The following ABLIM1 variants were observed in gnomAD, a reference collection of about 807,000 sequenced individuals.
The protein encoded by ABLIM1 is actin-binding LIM protein 1.
ABLIM1 carries 40 observed loss-of-function variants against 107.0 expected under a neutral mutation model. The observed-to-expected ratio is 0.37, with a 90% CI of 0.29 to 0.49. ABLIM1 has a LOEUF of 0.49. ABLIM1 is among the 20% of genes least tolerant of loss of function. The pLI is 0.97. For synonymous variants in ABLIM1, 357 were observed against 357.3 expected (o/e 1.00, Z 0.01); for missense variants, 857 against 1,008.5 (o/e 0.85, Z 2.04).
At chr10:114,752,379 G>A (rs139178571) in intron 1 of ABLIM1, among the ~76,000 whole-genome samples, 89 of 152,312 alleles carry the variant, frequency 5.8e-4, no homozygotes, top group African/African-American at 2.0e-3. Flanking sequence ...TTATTTTTAA[G>A]TAGGGACCTT....
At chr10:114,634,972 A>G (rs958536429) in intron 1 of ABLIM1, among the ~76,000 whole-genome samples, 1 of 152,268 alleles carries the variant, frequency 6.6e-6, no homozygotes, top group African/African-American at 2.4e-5. Flanking sequence ...GACATTTTCT[A>G]CTTTACAGCT....
chr10:114,579,662 AT>A (rs1181818552), intron 2 of ABLIM1, among the ~76,000 whole-genome samples: 1 of 152,206 alleles, frequency 6.6e-6, no homozygotes, highest in Non-Finnish European at 1.5e-5. Flanking sequence ...ATACATTCAC[AT>A]TGTTGTGCAA....
At chr10:114,444,196 G>T in intron 16 of ABLIM1, 62 bp from the exon 17 acceptor site, 2 of 1,385,096 alleles carry the variant, frequency 1.4e-6, no homozygotes, top group Non-Finnish European at 2.0e-6. Flanking sequence ...TTACTTTCAT[G>T]GAGCTGCAGT....
chr10:114,595,089 G>T (rs1284234052), intron 2 of ABLIM1: 1 of 151,440 alleles, frequency 6.6e-6, no homozygotes, highest in Admixed American at 6.6e-5. Flanking sequence ...GATTCTCTGG[G>T]CAGTCTCCTT....
chr10:114,780,967 A>AG, the ABLIM1 span, among the ~76,000 whole-genome samples: 1 of 152,128 alleles, frequency 6.6e-6, no homozygotes, highest in South Asian at 2.1e-4. Context: ...AATTGCCTGG[A>AG]GGGGGCTCCT....
chr10:114,684,460 G>C, exon 1 of ABLIM1: 2 of 1,530,662 alleles, frequency 1.3e-6, no homozygotes, highest in South Asian at 2.5e-5. Context: ...CCTCCCAGGA[G>C]TCTGTGGGCT....
chr10:114,432,200 G>T lies in ABLIM1; in HGVS notation c.*4060C>A, dbSNP rs7917021. The T allele has an allele frequency of 0.92, 140,607 of 152,280 alleles. 64,989 individuals carry two copies. The highest frequency in any genetic ancestry group is 1 in the East Asian group (5,184 of 5,184). The allele number at this position is 152,280 out of a possible 1,614,324, so 9.4% of individuals were successfully genotyped here. On this transcript the variant is annotated 3_prime_UTR_variant, in exon 23 of 23. Coordinates refer to ENST00000533213, the MANE Select transcript of ABLIM1 (RefSeq NM_002313.7). ...CTTCATTGGTTAGAAGAGAATAATT[G>T]TAAAAATCAAATAAAATTGAGGCTG...
chr10:114,448,364 T>G (rs1207947120), intron 14 of ABLIM1, among the ~76,000 whole-genome samples: 1 of 152,194 alleles, frequency 6.6e-6, no homozygotes, highest in African/African-American at 2.4e-5. Context: ...ATATTTCAAC[T>G]GCTCAGTAGT....
intron 19 of ABLIM1, 148 bp from the exon 20 acceptor site, chr10:114,440,237 C>T: frequency 1.2e-6 from 1 of 802,800 alleles, no homozygotes; most frequent in South Asian, 1.6e-5. Flanking sequence ...CACATGTTAT[C>T]CCATCAGCCT....
At chr10:114,574,215 A>G (rs11196791) in intron 3 of ABLIM1, among the ~76,000 whole-genome samples, 26,920 of 152,054 alleles carry the variant, frequency 0.18, 3,349 homozygotes, top group East Asian at 0.56. Context: ...GGCATAGCAA[A>G]TAGATCTCCA....
chr10:114,664,470 G>T (rs2079928905), intron 1 of ABLIM1, among the ~76,000 whole-genome samples: 1 of 152,096 alleles, frequency 6.6e-6, no homozygotes, highest in East Asian at 1.9e-4. Context: ...AGAGTTTGGG[G>T]ATATGGTTAA....
intron 6 of ABLIM1, among the ~76,000 whole-genome samples, chr10:114,498,566 T>C (rs1353193882): frequency 1.3e-5 from 2 of 152,198 alleles, no homozygotes; most frequent in African/African-American, 4.8e-5. Context: ...CCGCCTCCAT[T>C]TCTCTAGGAG....
At chr10:114,566,904 C>T (rs1158096866) in intron 4 of ABLIM1, among the ~76,000 whole-genome samples, 1 of 152,146 alleles carries the variant, frequency 6.6e-6, no homozygotes, top group Non-Finnish European at 1.5e-5. Context: ...CAAAAATTAG[C>T]CAGGTGTGGT....
intron 1 of ABLIM1, among the ~76,000 whole-genome samples, chr10:114,657,718 G>A (rs185163420): frequency 6.0e-4 from 92 of 152,260 alleles, no homozygotes; most frequent in Admixed American, 1.1e-3. Context: ...AGTTTGGAAA[G>A]AGATACATTT....
At position 114,658,016 on chromosome 10, in the gene ABLIM1, T is replaced by TA. The variant is rs1566190996; in HGVS notation, c.184dup (p.Tyr62LeufsTer15). On this transcript the variant is annotated frameshift_variant, in exon 1 of 23. Transcript: ENST00000533213. LOFTEE classifies it high-confidence loss of function. The stretch of plus-strand genomic sequence containing the variant: ...TGGGCAGTAGTCCTTGGGACAGAGA[T>TA]ACAGCAAATGAGTGATAGTGGCACG... 2.5e-6 allele frequency: 4 copies of TA among 1,614,174 alleles called. No homozygotes were observed. Among genetic ancestry groups the TA allele is most frequent in the Non-Finnish European group, 3.4e-6 (4 of 1,180,018 alleles).
chr10:114,741,947 T>C (rs1447815128), intron 1 of ABLIM1, among the ~76,000 whole-genome samples: 2 of 152,258 alleles, frequency 1.3e-5, no homozygotes, highest in African/African-American at 4.8e-5. Context: ...AAAAGCATCC[T>C]GTAGAAGTTT....
At chr10:114,706,380 G>A (rs1471959359) in intron 1 of ABLIM1, among the ~76,000 whole-genome samples, 2 of 152,208 alleles carry the variant, frequency 1.3e-5, no homozygotes, top group African/African-American at 4.8e-5. Flanking sequence ...GATTGTCAAA[G>A]TTTTGTGGAA....
chr10:114,433,107 C>A lies in ABLIM1; in HGVS notation c.*3153G>T, dbSNP rs573964305. 6.6e-6 allele frequency: 1 copy of A among 152,284 alleles called. No homozygotes were observed. The highest frequency in any genetic ancestry group is 1.5e-5 in the Non-Finnish European group (1 of 68,030). 9.4% of individuals were successfully genotyped at this position (152,284 alleles called of 1,614,324 possible). ...AAGAGTCCCAAGGAAGTCAAATGTT[C>A]CCAAATGTAGCCCTTTACATCGGCA... On this transcript the variant is annotated 3_prime_UTR_variant, in exon 23 of 23. Coordinates refer to ENST00000533213, the MANE Select transcript of ABLIM1 (RefSeq NM_002313.7).
chr10:114,599,369 C>T (rs1012077128), intron 2 of ABLIM1, among the ~76,000 whole-genome samples: 3 of 152,184 alleles, frequency 2.0e-5, no homozygotes, highest in African/African-American at 7.2e-5. Context: ...AAGCAAGGAG[C>T]TTTCACCCCA....
Sources: allele counts gnomAD v4.1 joint callset (sites outside exome capture counted in the v4.1 genomes callset), GRCh38; gene constraint gnomAD v4.1.1; transcripts MANE v1.5; gene names NCBI Gene and HGNC (gene_info 2026-07-23, HGNC 2026-07-21).